The following NLRP14 variants were observed in gnomAD, a reference collection of about 807,000 sequenced individuals.
NLRP14 encodes NLR family pyrin domain containing 14.
In NLRP14, 105 loss-of-function variants were observed where a neutral mutation model predicts 94.7. The observed-to-expected ratio is 1.11, with a 90% CI of 0.95 to 1.30. The LOEUF is 1.30. NLRP14 is among the 50% of genes most tolerant of loss of function. NLRP14 has a pLI of 0.00. For synonymous variants in NLRP14, 508 were observed against 459.9 expected (o/e 1.10, Z -1.34); for missense variants, 1,362 against 1,254.1 (o/e 1.09, Z -1.30).
At chr11:7,070,010 A>C (rs957922910) in intron 10 of NLRP14, among the ~76,000 whole-genome samples, 39 of 152,146 alleles carry the variant, frequency 2.6e-4, no homozygotes, top group Admixed American at 7.2e-4. Context: ...CAAGGATTCA[A>C]CTGCTTCATA....
At chr11:7,055,712 C>G (rs758295082) in intron 6 of NLRP14, among the ~76,000 whole-genome samples, 1 of 152,122 alleles carries the variant, frequency 6.6e-6, no homozygotes, top group East Asian at 1.9e-4. Flanking sequence ...AGAGCTTATT[C>G]TAGGTAGATG....
At chr11:7,035,262 G>T (rs150236870) in intron 1 of NLRP14, among the ~76,000 whole-genome samples, 2,062 of 152,272 alleles carry the variant, frequency 0.014, 32 homozygotes, top group Non-Finnish European at 0.023. Context: ...GAAGGCAGAG[G>T]TTGCAGTGAG....
At chr11:7,026,511 T>C (rs924855244) in intron 1 of NLRP14, among the ~76,000 whole-genome samples, 26 of 152,064 alleles carry the variant, frequency 1.7e-4, no homozygotes, top group African/African-American at 6.0e-4. Flanking sequence ...AAAAAACAGG[T>C]GCTGGAGAGG....
chr11:7,039,836 A>G, intron 3 of NLRP14, 51 bp downstream of exon 3: 1 of 1,344,348 alleles, frequency 7.4e-7, no homozygotes, highest in South Asian at 1.2e-5. Context: ...AAGTTTTGAT[A>G]CAGGACGGTG....
the NLRP14 span, chr11:7,090,145 G>C: frequency 6.2e-7 from 1 of 1,613,614 alleles, no homozygotes; most frequent in Admixed American, 1.7e-5. Context: ...GGCCGACACC[G>C]GGTGGGCAGA....
At chr11:7,074,693 T>TCCCG (rs1852852043), downstream of NLRP14, among the ~76,000 whole-genome samples, 2 of 152,202 alleles carry the variant, frequency 1.3e-5, no homozygotes, top group African/African-American at 4.8e-5. Context: ...GATTGAGGCA[T>TCCCG]AAGTCTCAAA....
chr11:7,042,713 T>C lies in NLRP14; in HGVS notation c.687T>C (p.Phe229=), dbSNP rs571733006. Residue 229 remains phenylalanine (F), a synonymous_variant, in exon 4 of 12, where the codon TTT becomes TTC. Transcript: ENST00000299481. ...REINQLKERS[F]AQLISKDWPS... is the part of the protein sequence containing the mutation. The stretch of plus-strand genomic sequence containing the variant: ...TTAACCAGCTGAAAGAGAGAAGCTT[T>C]GCTCAATTGATATCAAAGGACTGGC... The C allele has an allele frequency of 6.2e-7, 1 of 1,614,258 alleles. No individual in the cohort carries two copies. Among genetic ancestry groups the C allele is most frequent in the South Asian group, 1.1e-5 (1 of 91,086 alleles).
At chr11:7,089,089 A>G in the NLRP14 span, 5 of 1,602,642 alleles carry the variant, frequency 3.1e-6, no homozygotes, top group Non-Finnish European at 4.3e-6. Flanking sequence ...ACCGCCTCCC[A>G]CCGCCACTGA....
the NLRP14 span, among the ~76,000 whole-genome samples, chr11:7,081,442 C>T: frequency 6.6e-6 from 1 of 151,848 alleles, no homozygotes; most frequent in Non-Finnish European, 1.5e-5. Flanking sequence ...TCACAGAGTC[C>T]TCTGATGAGA....
chr11:7,037,712 A>G (rs1443452744), intron 1 of NLRP14, among the ~76,000 whole-genome samples: 1 of 152,218 alleles, frequency 6.6e-6, no homozygotes, highest in Non-Finnish European at 1.5e-5. Flanking sequence ...GTCACCGAGT[A>G]AGGGCATGAA....
the NLRP14 span, among the ~76,000 whole-genome samples, chr11:7,082,268 TTC>T: frequency 6.6e-6 from 1 of 152,204 alleles, no homozygotes; most frequent in African/African-American, 2.4e-5. Context: ...TTTTTTCCAA[TTC>T]ATTTGACTAT....
chr11:7,085,233 A>C, the NLRP14 span, among the ~76,000 whole-genome samples: 2 of 152,342 alleles, frequency 1.3e-5, no homozygotes, highest in East Asian at 3.9e-4. Flanking sequence ...TGTTAGGTTT[A>C]TTCGTATTTA....
chr11:7,090,179 C>T, the NLRP14 span: 17 of 1,613,672 alleles, frequency 1.1e-5, no homozygotes, highest in Non-Finnish European at 1.4e-5. Context: ...TCTCTCTGTC[C>T]ATGGAAAGGG....
At chr11:7,037,883 G>A (rs1353456344) in intron 1 of NLRP14, among the ~76,000 whole-genome samples, 1 of 152,182 alleles carries the variant, frequency 6.6e-6, no homozygotes, top group African/African-American at 2.4e-5. Flanking sequence ...GTGAGATGAG[G>A]ATGTTTTTGA....
chr11:7,051,248 C>G (rs937650049), intron 6 of NLRP14, among the ~76,000 whole-genome samples: 1 of 152,168 alleles, frequency 6.6e-6, no homozygotes, highest in African/African-American at 2.4e-5. Flanking sequence ...TGCATGTTCC[C>G]CCAGTGTGGA....
downstream of NLRP14, among the ~76,000 whole-genome samples, chr11:7,072,574 G>C (rs1453704915): frequency 1.3e-5 from 2 of 152,166 alleles, no homozygotes; most frequent in African/African-American, 4.8e-5. Context: ...TCCCTCCCTT[G>C]GGCGGGTTGT....
chr11:7,050,726 G>A (rs1210137397), intron 6 of NLRP14, among the ~76,000 whole-genome samples: 2 of 152,124 alleles, frequency 1.3e-5, no homozygotes, highest in African/African-American at 2.4e-5. Context: ...TTTATAAGAT[G>A]GAATTCACTT....
chr11:7,023,084 G>C (rs1435461993), intron 1 of NLRP14, among the ~76,000 whole-genome samples: 1 of 151,738 alleles, frequency 6.6e-6, no homozygotes, highest in Non-Finnish European at 1.5e-5. Flanking sequence ...ACAAGATCAG[G>C]AATTTTAATT....
In NLRP14 at chr11:7,049,851, T is replaced by C. The variant is rs1284455533; in HGVS notation, c.2291+13T>C. Reference sequence around the variant, plus strand: ...TACAGACTCTCAGGTAAGCTTTGAATTGTTTTGTCTTGTTTTGTTTTTATA... The same window carrying C: ...TACAGACTCTCAGGTAAGCTTTGAACTGTTTTGTCTTGTTTTGTTTTTATA... On this transcript the variant is annotated intron_variant, in intron 6 of 11. Coordinates refer to ENST00000299481, the MANE Select transcript of NLRP14 (RefSeq NM_176822.4). 1.9e-6 allele frequency: 3 copies of C among 1,605,718 alleles called. No homozygotes were observed. Among genetic ancestry groups the C allele is most frequent in the Non-Finnish European group, 2.6e-6 (3 of 1,172,572 alleles).
Sources: gnomAD v4.1 joint callset for allele counts (sites outside exome capture counted in the v4.1 genomes callset) on GRCh38, gnomAD v4.1.1 for gene constraint, MANE v1.5 for transcripts, NCBI Gene and HGNC (gene_info 2026-07-23, HGNC 2026-07-21) for gene names.